TMLHE: variants seen among roughly 807,000 people sequenced by gnomAD.
The protein encoded by TMLHE is trimethyllysine hydroxylase, epsilon.
TMLHE carries 18 observed loss-of-function variants against 25.7 expected under a neutral mutation model. That is an observed-to-expected ratio of 0.70 (90% CI 0.48 to 1.04). The LOEUF (loss-of-function observed/expected upper bound fraction) is 1.04. Among genes scored for constraint, TMLHE ranks in the 50% least tolerant of loss-of-function variants. The pLI, the probability that TMLHE is intolerant of heterozygous loss-of-function variation, is 0.00. For missense variants in TMLHE, 236 were observed against 259.0 expected, an observed-to-expected ratio of 0.91 and a Z score of 0.61; for synonymous variants, 105 against 97.0, an observed-to-expected ratio of 1.08 and a Z score of -0.49.
chrX:155,548,670 G>C (rs782154614), intron 1 of TMLHE, among the ~76,000 whole-genome samples: 7 of 108,788 alleles, frequency 6.4e-5, no homozygotes, highest in African/African-American at 1.4e-4. Context: ...AGGAGGCAAA[G>C]GTTGCAGTGA....
intron 1 of TMLHE, among the ~76,000 whole-genome samples, chrX:155,548,571 TA>T (rs371897999): frequency 0.024 from 2,592 of 108,966 alleles, 119 homozygotes; most frequent in African/African-American, 0.065. Context: ...CTGTCTCTAC[TA>T]AAAAATACAA....
chrX:155,540,769 TA>T (rs2067305635), intron 2 of TMLHE, among the ~76,000 whole-genome samples: 1 of 111,388 alleles, frequency 9.0e-6, no homozygotes, highest in South Asian at 3.8e-4. Context: ...ATTGTTGAAG[TA>T]CTGGGATTCC....
rs183836943 is a variant in TMLHE, at chrX:155,589,282, T to C, written c.-2+23510A>G. Among the ~76,000 whole-genome samples the C allele has an allele frequency of 1.4e-3, 152 of 110,830 alleles. 1 individual carries two copies. Among genetic ancestry groups the C allele is most frequent in the African/African-American group, 4.7e-3 (142 of 30,521 alleles). ...GGCCAACATGGAGAAACCCTGTCTC[T>C]ACTAAAAATACAAAAATTAGCTGGG... On this transcript the variant is annotated intron_variant, in intron 1 of 7. Transcript: ENST00000334398.
chrX:155,548,657 C>T (rs1187297939), intron 1 of TMLHE, among the ~76,000 whole-genome samples: 7 of 108,702 alleles, frequency 6.4e-5, no homozygotes, highest in Admixed American at 9.7e-5. Flanking sequence ...ATCGCTTGAA[C>T]CCAGGAGGCA....
intron 3 of TMLHE, among the ~76,000 whole-genome samples, chrX:155,515,437 T>C (rs1469051738): frequency 9.0e-6 from 1 of 110,784 alleles, no homozygotes; most frequent in African/African-American, 3.3e-5. Context: ...TTAGTGATCA[T>C]CTTTAACCAT....
At chrX:155,546,194 C>A (rs782221909) in intron 1 of TMLHE, among the ~76,000 whole-genome samples, 5 of 111,429 alleles carry the variant, frequency 4.5e-5, no homozygotes, top group Middle Eastern at 4.6e-3. Flanking sequence ...CCATACTAAG[C>A]CCTACATATG....
chrX:155,608,926 T>G (rs2067803171), intron 1 of TMLHE, among the ~76,000 whole-genome samples: 1 of 112,084 alleles, frequency 8.9e-6, no homozygotes, highest in South Asian at 3.7e-4. Context: ...AGGGAACACT[T>G]ATACACTGTT....
In TMLHE at chrX:155,594,900, A is replaced by C. The variant is rs1013356576; in HGVS notation, c.-2+17892T>G. Among the ~76,000 whole-genome samples the C allele has an allele frequency of 4.5e-5, 5 of 111,736 alleles. No homozygotes were observed. In the East Asian group the frequency reaches 1.4e-3, roughly 31 times the overall value. Reference sequence around the variant, plus strand: ...AACATGGTTTGAACTGCATGGGTCCACTTATACACAGAATTTTTTCAACAT... The same window carrying C: ...AACATGGTTTGAACTGCATGGGTCCCCTTATACACAGAATTTTTTCAACAT... On this transcript the variant is annotated intron_variant, in intron 1 of 7. Coordinates refer to ENST00000334398, the MANE Select transcript of TMLHE (RefSeq NM_018196.4).
chrX:155,525,147 C>A (rs1456087532), intron 2 of TMLHE, among the ~76,000 whole-genome samples: 1 of 111,617 alleles, frequency 9.0e-6, no homozygotes, highest in African/African-American at 3.3e-5. Flanking sequence ...TGTCCCCACC[C>A]AAATCTCATG....
chrX:155,599,606 CT>C (rs2067744538), intron 1 of TMLHE, among the ~76,000 whole-genome samples: 1 of 112,209 alleles, frequency 8.9e-6, no homozygotes, highest in South Asian at 3.7e-4. Flanking sequence ...TAGAATGGAA[CT>C]TCCTTAGCCT....
intron 1 of TMLHE, among the ~76,000 whole-genome samples, chrX:155,578,722 T>C (rs1412281857): frequency 1.8e-5 from 2 of 110,950 alleles, no homozygotes; most frequent in Admixed American, 9.6e-5. Flanking sequence ...GCCCAAGAAT[T>C]GGCCTGCCTT....
At chrX:155,513,853 G>C in intron 4 of TMLHE, 133 bp downstream of exon 4, 1 of 605,195 alleles carries the variant, frequency 1.7e-6, no homozygotes, top group Middle Eastern at 5.5e-4. Flanking sequence ...CTGCAAGTGA[G>C]AGTCCCTTAT....
intron 2 of TMLHE, among the ~76,000 whole-genome samples, chrX:155,539,113 C>T (rs1347469782): frequency 9.0e-6 from 1 of 111,614 alleles, no homozygotes; most frequent in African/African-American, 3.3e-5. Flanking sequence ...CTTCTCCCAG[C>T]TTGGTGCATT....
intron 1 of TMLHE, among the ~76,000 whole-genome samples, chrX:155,598,950 G>A (rs1485254809): frequency 9.0e-6 from 1 of 110,575 alleles, no homozygotes; most frequent in Non-Finnish European, 1.9e-5. Context: ...CCTGCCTCCC[G>A]TTCCACCTCC....
chrX:155,545,094 A>C lies in TMLHE; in HGVS notation c.181+2T>G, dbSNP rs1557338556. Reference sequence around the variant, plus strand: ...AAGTATCTGTCTTCACACATCTCTTACCAAAATGATCTTCATGTTGCTGCC... The same window carrying C: ...AAGTATCTGTCTTCACACATCTCTTCCCAAAATGATCTTCATGTTGCTGCC... On this transcript the variant is annotated splice_donor_variant, in intron 2 of 7. Coordinates refer to ENST00000334398, the MANE Select transcript of TMLHE (RefSeq NM_018196.4). LOFTEE classifies it high-confidence loss of function. 1 of 1,207,973 alleles carries C rather than the reference A, an allele frequency of 8.3e-7. No individual in the cohort carries two copies. The highest frequency in any genetic ancestry group is 1.7e-5 in the African/African-American group (1 of 57,665).
Position 155,506,924 on chromosome X carries a change from T to G in TMLHE, c.969A>C (p.Pro323=). ...TGATCAAATACAGCTCTTTATTCCA[T>G]GGGTAGATATTTAAGACTGGCCCAA... The part of the protein sequence containing the change: ...IGIGPVLNIY[P]WNKELYLIRY... Residue 323 remains proline, a synonymous_variant, in exon 6 of 8, where the codon CCA becomes CCC. Coordinates refer to ENST00000334398, the MANE Select transcript of TMLHE (RefSeq NM_018196.4). The G allele has an allele frequency of 8.3e-7, 1 of 1,208,953 alleles. No homozygotes were observed. Among genetic ancestry groups the G allele is most frequent in the Non-Finnish European group, 1.1e-6 (1 of 893,331 alleles).
intron 1 of TMLHE, among the ~76,000 whole-genome samples, chrX:155,582,524 CA>C (rs781807825): frequency 8.9e-6 from 1 of 112,176 alleles, no homozygotes; most frequent in Admixed American, 9.4e-5. Context: ...GATATGAAGA[CA>C]CTTCTCAAAA....
Position 155,504,599 on chromosome X carries a change from C to G in TMLHE, c.995+2299G>C, listed in dbSNP as rs782047092. 1.7e-3 allele frequency among the ~76,000 whole-genome samples: 186 copies of G among 111,183 alleles called. 1 individual carries two copies. Among genetic ancestry groups the G allele is most frequent in the Non-Finnish European group, 2.8e-3 (148 of 52,914 alleles). Reference sequence around the variant, plus strand: ...TTGTTGATGACAGTGTAAAATGGTACAAGTACTTTGGTAAAACTTGTTGCA... The same window carrying G: ...TTGTTGATGACAGTGTAAAATGGTAGAAGTACTTTGGTAAAACTTGTTGCA... On this transcript the variant is annotated intron_variant, in intron 6 of 7. Coordinates refer to ENST00000334398, the MANE Select transcript of TMLHE (RefSeq NM_018196.4).
At chrX:155,526,742 AC>A (rs1453254946) in intron 2 of TMLHE, among the ~76,000 whole-genome samples, 1 of 113,090 alleles carries the variant, frequency 8.8e-6, no homozygotes. Context: ...GGCCGTGGGA[AC>A]CCACCCCTTG....
Sources: allele counts gnomAD v4.1 joint callset (sites outside exome capture counted in the v4.1 genomes callset), GRCh38; gene constraint gnomAD v4.1.1; transcripts MANE v1.5; gene names NCBI Gene and HGNC (gene_info 2026-07-23, HGNC 2026-07-21).